Variants in CSGALNACT1 observed in about 807,000 individuals in gnomAD.
CSGALNACT1 encodes the protein beta4GalNAcT-1.
In CSGALNACT1, 52 loss-of-function variants were observed where a neutral mutation model predicts 51.0. The ratio of observed to expected loss-of-function variants is 1.02; its 90% CI spans 0.82 to 1.29. CSGALNACT1 has a LOEUF of 1.29. CSGALNACT1 is among the 50% of genes most tolerant of loss of function. The probability of loss-of-function intolerance (pLI) is 0.00; values close to 1 mark genes in which losing one functional copy is unlikely to be tolerated. For missense variants in CSGALNACT1, 935 were observed against 679.2 expected (o/e 1.38, Z -4.19); for synonymous variants, 341 against 254.4 (o/e 1.34, Z -3.24).
chr8:19,511,297 G>T (rs948007363), intron 3 of CSGALNACT1, among the ~76,000 whole-genome samples: 1 of 152,258 alleles, frequency 6.6e-6, no homozygotes, highest in Non-Finnish European at 1.5e-5. Context: ...GGGTCAGGAA[G>T]TGGTAGACCA....
chr8:19,467,570 T>C (rs983913232), intron 4 of CSGALNACT1, among the ~76,000 whole-genome samples: 1 of 151,756 alleles, frequency 6.6e-6, no homozygotes, highest in African/African-American at 2.4e-5. Context: ...GAAGCCTGGG[T>C]TCCTCCTCAA....
rs1278712536 is a variant in CSGALNACT1, at chr8:19,565,814, G to A, written c.-297+25346C>T. Among the ~76,000 whole-genome samples, 3 of 152,208 alleles carry A rather than the reference G, an allele frequency of 2.0e-5. No homozygotes were observed. In the East Asian group the frequency reaches 5.8e-4, roughly 29 times the overall value. On this transcript the variant is annotated intron_variant, in intron 3 of 9. Coordinates refer to ENST00000454498, the Ensembl canonical transcript of CSGALNACT1. Reference sequence around the variant, plus strand: ...TAATCCCAGCTACTTGGGAGGCTGAGGCAGCAGAATCGCTTGAACCCAGGA... The same window carrying A: ...TAATCCCAGCTACTTGGGAGGCTGAAGCAGCAGAATCGCTTGAACCCAGGA...
At chr8:19,570,092 ATT>A (rs35994246) in intron 3 of CSGALNACT1, among the ~76,000 whole-genome samples, 2 of 144,526 alleles carry the variant, frequency 1.4e-5, no homozygotes, top group Non-Finnish European at 1.5e-5. Flanking sequence ...TTGGGGGCCT[ATT>A]TTTTTTTTTT....
intron 3 of CSGALNACT1, among the ~76,000 whole-genome samples, chr8:19,556,243 G>A (rs540821146): frequency 6.7e-6 from 1 of 149,834 alleles, no homozygotes; most frequent in African/African-American, 2.5e-5. Context: ...GGGCATGGTG[G>A]TGTATGCCTG....
intron 3 of CSGALNACT1, among the ~76,000 whole-genome samples, chr8:19,584,724 C>T (rs889642520): frequency 1.3e-5 from 2 of 152,186 alleles, no homozygotes; most frequent in Non-Finnish European, 2.9e-5. Flanking sequence ...AGAATGACTG[C>T]TGACAGCTGC....
At chr8:19,618,257 C>T (rs1295325660) in intron 1 of CSGALNACT1, among the ~76,000 whole-genome samples, 2 of 152,146 alleles carry the variant, frequency 1.3e-5, no homozygotes, top group African/African-American at 4.8e-5. Flanking sequence ...TCAGGAAGAT[C>T]TATGTCTCGG....
At chr8:19,648,056 T>C (rs2057436949) in intron 1 of CSGALNACT1, among the ~76,000 whole-genome samples, 1 of 152,226 alleles carries the variant, frequency 6.6e-6, no homozygotes, top group South Asian at 2.1e-4. Flanking sequence ...TCAAGCTCTT[T>C]GTTTTGTTTC....
chr8:19,670,650 C>CAAAAAAAAAAAAAAAAAAAAAAA (rs752256046), intron 1 of CSGALNACT1, among the ~76,000 whole-genome samples: 4 of 92,846 alleles, frequency 4.3e-5, no homozygotes, highest in African/African-American at 8.5e-5. Context: ...CTACTGAAGA[C>CAAAAAAAAAAAAAAAAAAAAAAA]AAAAAAAAAA....
At chr8:19,654,879 A>G (rs4922077) in intron 1 of CSGALNACT1, among the ~76,000 whole-genome samples, 45 of 151,996 alleles carry the variant, frequency 3.0e-4, no homozygotes, top group African/African-American at 9.6e-4. Context: ...AAAATTTTTC[A>G]TAAGTATCGA....
chr8:19,651,660 A>G (rs918018802), intron 1 of CSGALNACT1, among the ~76,000 whole-genome samples: 2 of 151,938 alleles, frequency 1.3e-5, no homozygotes, highest in Non-Finnish European at 2.9e-5. Flanking sequence ...TATCTAGTCC[A>G]CTGTTGATGG....
intron 1 of CSGALNACT1, among the ~76,000 whole-genome samples, chr8:19,720,952 C>G (rs899680949): frequency 6.6e-6 from 1 of 152,168 alleles, no homozygotes; most frequent in Non-Finnish European, 1.5e-5. Context: ...GATCTCATCT[C>G]CTATAGGAGC....
chr8:19,556,090 G>T (rs1032076855), intron 3 of CSGALNACT1, among the ~76,000 whole-genome samples: 14 of 152,118 alleles, frequency 9.2e-5, no homozygotes, highest in Admixed American at 3.3e-4. Flanking sequence ...TAAAAAGGAT[G>T]ATTTTGGCCG....
chr8:19,755,456 C>CAAAAAAAAAAAATAAAAA (rs2065300858), intron 1 of CSGALNACT1, among the ~76,000 whole-genome samples: 1 of 74,532 alleles, frequency 1.3e-5, no homozygotes, highest in Admixed American at 2.0e-4. Flanking sequence ...TAAAGAAAGA[C>CAAAAAAAAAAAATAAAAA]AAAAAAAAAA....
At chr8:19,422,433 T>A (rs189275153) in intron 6 of CSGALNACT1, among the ~76,000 whole-genome samples, 5 of 152,172 alleles carry the variant, frequency 3.3e-5, no homozygotes, top group African/African-American at 1.2e-4. Flanking sequence ...TACTACTGCC[T>A]CGGCCTCCCA....
At chr8:19,437,727 C>T (rs1377277964) in intron 6 of CSGALNACT1, among the ~76,000 whole-genome samples, 5 of 152,108 alleles carry the variant, frequency 3.3e-5, no homozygotes, top group Admixed American at 6.6e-5. Context: ...TTAAGAAGTT[C>T]GGGTTAATTT....
intron 3 of CSGALNACT1, among the ~76,000 whole-genome samples, chr8:19,546,586 A>G (rs944783934): frequency 6.6e-6 from 1 of 152,234 alleles, no homozygotes; most frequent in Non-Finnish European, 1.5e-5. Context: ...AATACTTGGA[A>G]TACCATCTGA....
rs572584531 is a variant in CSGALNACT1, at chr8:19,487,133, C to A, written c.634+18068G>T. On this transcript the variant is annotated intron_variant, in intron 4 of 9. Coordinates refer to ENST00000454498, the Ensembl canonical transcript of CSGALNACT1. ...CCTCAATTTTTTCTCAAGCTGACAA[C>A]TCTAAAGAGCTTAAATTTTATCCCC... is the stretch of plus-strand genomic sequence containing the variant. Among the ~76,000 whole-genome samples the A allele has an allele frequency of 3.3e-5, 5 of 152,346 alleles. No individual in the cohort carries two copies. In the South Asian group the frequency reaches 1.0e-3, roughly 32 times the overall value.
At chr8:19,585,178 C>G (rs2046360524) in intron 3 of CSGALNACT1, 1 of 152,250 alleles carries the variant, frequency 6.6e-6, no homozygotes, top group African/African-American at 2.4e-5. Flanking sequence ...TTCCTTTCTT[C>G]TGGTCCACCC....
At chr8:19,569,953 T>A (rs13281882) in intron 3 of CSGALNACT1, among the ~76,000 whole-genome samples, 1 of 152,140 alleles carries the variant, frequency 6.6e-6, no homozygotes, top group East Asian at 1.9e-4. Flanking sequence ...TAAAGGAAGA[T>A]ATACTCTATG....
Sources: gnomAD v4.1 joint callset for allele counts (sites outside exome capture counted in the v4.1 genomes callset) on GRCh38, gnomAD v4.1.1 for gene constraint, MANE v1.5 for transcripts, NCBI Gene and HGNC (gene_info 2026-07-23, HGNC 2026-07-21) for gene names.